Variants in NUMB observed in about 807,000 individuals in gnomAD.
NUMB encodes the protein NUMB endocytic adaptor protein.
NUMB carries 29 observed loss-of-function variants against 59.7 expected under a neutral mutation model. The observed-to-expected ratio is 0.49, with a 90% CI of 0.36 to 0.66. The LOEUF (loss-of-function observed/expected upper bound fraction) is 0.66. Ranked by LOEUF, NUMB falls within the 30% of genes least tolerant of loss-of-function variation. The pLI is 0.00. For synonymous variants in NUMB, 288 were observed against 288.2 expected, an observed-to-expected ratio of 1.00 and a Z score of 0.01; for missense variants, 723 against 822.0, an observed-to-expected ratio of 0.88 and a Z score of 1.47.
At chr14:73,368,527 G>A in intron 2 of NUMB, among the ~76,000 whole-genome samples, 1 of 151,732 alleles carries the variant, frequency 6.6e-6, no homozygotes, top group Admixed American at 6.6e-5. Flanking sequence ...AGGTTACAGT[G>A]AGCCGAGATC....
intron 2 of NUMB, among the ~76,000 whole-genome samples, chr14:73,369,877 C>T (rs937777404): frequency 6.6e-6 from 1 of 152,190 alleles, no homozygotes; most frequent in African/African-American, 2.4e-5. Context: ...TTCCTGCTTC[C>T]AGTCACTTCC....
chr14:73,324,563 T>C (rs17126867), intron 4 of NUMB, among the ~76,000 whole-genome samples: 35,167 of 152,052 alleles, frequency 0.23, 5,026 homozygotes, highest in East Asian at 0.67. Context: ...ACCTGGGGAA[T>C]TGAGGTGCTA....
intron 2 of NUMB, among the ~76,000 whole-genome samples, chr14:73,388,540 T>C (rs1039846200): frequency 3.9e-5 from 6 of 152,220 alleles, no homozygotes; most frequent in African/African-American, 1.4e-4. Context: ...ATGGCTGATC[T>C]AATTTAAAAA....
At chr14:73,363,948 TA>T (rs943796045) in intron 3 of NUMB, among the ~76,000 whole-genome samples, 1 of 152,008 alleles carries the variant, frequency 6.6e-6, no homozygotes, top group African/African-American at 2.4e-5. Flanking sequence ...TCCCATCTCT[TA>T]AAAACAAAAC....
At chr14:73,374,013 C>A (rs147947891) in intron 2 of NUMB, among the ~76,000 whole-genome samples, 1 of 151,994 alleles carries the variant, frequency 6.6e-6, no homozygotes, top group Non-Finnish European at 1.5e-5. Context: ...GGATTACAGG[C>A]ATGCACCACC....
intron 1 of NUMB, chr14:73,457,481 C>A (rs903267463): frequency 6.6e-6 from 1 of 152,176 alleles, no homozygotes; most frequent in African/African-American, 2.4e-5. Context: ...GCCAGTTCCA[C>A]GAAACCATTA....
intron 2 of NUMB, among the ~76,000 whole-genome samples, chr14:73,371,040 C>A (rs1441186490): frequency 1.3e-5 from 2 of 151,940 alleles, no homozygotes; most frequent in African/African-American, 4.8e-5. Context: ...CTCCCATTCT[C>A]GGCCTCCCAA....
intron 4 of NUMB, among the ~76,000 whole-genome samples, chr14:73,349,459 C>A (rs964426322): frequency 6.6e-6 from 1 of 151,262 alleles, no homozygotes; most frequent in Non-Finnish European, 1.5e-5. Flanking sequence ...TAGTGGCAGG[C>A]GCCTGTAATC....
At chr14:73,288,318 T>A (rs1889147363) in intron 8 of NUMB, among the ~76,000 whole-genome samples, 1 of 152,054 alleles carries the variant, frequency 6.6e-6, no homozygotes, top group South Asian at 2.1e-4. Flanking sequence ...TTTGGGAGGC[T>A]GAGATGGGTG....
intron 1 of NUMB, among the ~76,000 whole-genome samples, chr14:73,437,556 C>T (rs190877198): frequency 1.2e-4 from 19 of 152,158 alleles, no homozygotes; most frequent in Non-Finnish European, 2.4e-4. Context: ...AGTAAAACAA[C>T]AGATGTAAGA....
intron 1 of NUMB, among the ~76,000 whole-genome samples, chr14:73,422,694 C>T (rs1013807713): frequency 6.6e-6 from 1 of 151,828 alleles, no homozygotes; most frequent in African/African-American, 2.4e-5. Context: ...GGGGTGGGGA[C>T]GTGCCACACT....
intron 1 of NUMB, among the ~76,000 whole-genome samples, chr14:73,433,209 G>C (rs1049348300): frequency 6.6e-6 from 1 of 151,746 alleles, no homozygotes; most frequent in Non-Finnish European, 1.5e-5. Context: ...ATCACTTGAG[G>C]TCAGGAGTTC....
chr14:73,295,082 AGGTAGGAAC>A (rs1275648380), intron 7 of NUMB, among the ~76,000 whole-genome samples: 1 of 145,652 alleles, frequency 6.9e-6, no homozygotes, highest in Non-Finnish European at 1.5e-5. Context: ...AAAAAAAAAA[AGGTAGGAAC>A]ACTATCAGAA....
At chr14:73,352,535 T>G (rs1303879963) in intron 4 of NUMB, among the ~76,000 whole-genome samples, 1 of 72,122 alleles carries the variant, frequency 1.4e-5, no homozygotes, top group South Asian at 5.1e-4. Context: ...TATATGTTTT[T>G]TTTTTTTTTT....
chr14:73,372,229 T>G lies in NUMB; in HGVS notation c.-100-5248A>C, dbSNP rs139283147. Among the ~76,000 whole-genome samples, 90 of 146,272 alleles carry G rather than the reference T, an allele frequency of 6.2e-4. 1 individual carries two copies. The highest frequency in any genetic ancestry group is 8.3e-4 in the African/African-American group (33 of 39,778). ...GCCTGGGTGACAGAGCAATACTCCA[T>G]CTCAAAAAAAAAGAGGTGAAGTAAT... On this transcript the variant is annotated intron_variant, in intron 2 of 12. Transcript: ENST00000555238.
At chr14:73,435,809 C>G (rs1026221294) in intron 1 of NUMB, among the ~76,000 whole-genome samples, 1 of 151,756 alleles carries the variant, frequency 6.6e-6, no homozygotes, top group African/African-American at 2.4e-5. Context: ...GAGTTCGAGA[C>G]TAGCCTGACC....
intron 5 of NUMB, among the ~76,000 whole-genome samples, chr14:73,321,041 T>C (rs1891375752): frequency 6.6e-6 from 1 of 152,040 alleles, no homozygotes; most frequent in African/African-American, 2.4e-5. Flanking sequence ...AATAACGAGA[T>C]ATTTCTAATT....
At chr14:73,414,725 G>C (rs1897049319) in intron 1 of NUMB, among the ~76,000 whole-genome samples, 1 of 152,018 alleles carries the variant, frequency 6.6e-6, no homozygotes, top group Non-Finnish European at 1.5e-5. Flanking sequence ...CGGGTGCGGG[G>C]GGGGCGGGTT....
intron 1 of NUMB, among the ~76,000 whole-genome samples, chr14:73,422,872 A>C (rs1001291577): frequency 6.6e-6 from 1 of 150,954 alleles, no homozygotes; most frequent in Non-Finnish European, 1.5e-5. Context: ...GAAGGGACAA[A>C]CAACCAAACC....
Sources: gnomAD v4.1 joint callset for allele counts (sites outside exome capture counted in the v4.1 genomes callset) on GRCh38, gnomAD v4.1.1 for gene constraint, MANE v1.5 for transcripts, NCBI Gene and HGNC (gene_info 2026-07-23, HGNC 2026-07-21) for gene names.